Variants in RBM46 observed in about 807,000 individuals in gnomAD.
RBM46 encodes the protein RNA binding motif protein 46.
RBM46 carries 12 observed loss-of-function variants against 43.3 expected under a neutral mutation model. That is an observed-to-expected ratio of 0.28 (90% CI 0.18 to 0.45). The LOEUF (loss-of-function observed/expected upper bound fraction) is 0.45. RBM46 is among the 20% of genes least tolerant of loss of function. The pLI is 1.00. For synonymous variants in RBM46, 205 were observed against 207.6 expected, an observed-to-expected ratio of 0.99 and a Z score of 0.11; for missense variants, 412 against 639.1, an observed-to-expected ratio of 0.64 and a Z score of 3.83.
intron 4 of RBM46, among the ~76,000 whole-genome samples, chr4:154,800,165 C>G (rs895126485): frequency 1.3e-5 from 2 of 151,940 alleles, no homozygotes; most frequent in Admixed American, 1.3e-4. Context: ...TTTTTAATGA[C>G]TAATTCTCAG....
At chr4:154,820,430 T>C in intron 4 of RBM46, 1 of 1,471,330 alleles carries the variant, frequency 6.8e-7, no homozygotes, top group Non-Finnish European at 9.1e-7. Context: ...CAGGTAAGAG[T>C]TTATTAGGTA....
At chr4:154,786,325 G>A (rs1406190472) in intron 1 of RBM46, among the ~76,000 whole-genome samples, 1 of 152,064 alleles carries the variant, frequency 6.6e-6, no homozygotes, top group African/African-American at 2.4e-5. Flanking sequence ...CTGACCTCAG[G>A]CAATCCACCT....
rs545890847 is a variant in RBM46 at position 154,819,357 on chromosome 4, C to G, written c.1403-8511C>G. On this transcript the variant is annotated intron_variant, in intron 4 of 4. Coordinates refer to ENST00000281722, the MANE Select transcript of RBM46 (RefSeq NM_144979.5). ...TTAGTTCTAGTTTTTGTCTTCCTAG[C>G]TTCATTTGTCTCTTGGCACCTTCTG... Among the ~76,000 whole-genome samples the G allele has an allele frequency of 1.3e-4, 20 of 152,242 alleles. 1 individual carries two copies. In the South Asian group the frequency reaches 4.1e-3, roughly 32 times the overall value.
intron 4 of RBM46, among the ~76,000 whole-genome samples, chr4:154,818,258 T>G (rs1202617189): frequency 6.6e-6 from 1 of 152,138 alleles, no homozygotes; most frequent in Non-Finnish European, 1.5e-5. Flanking sequence ...CTGATTCATA[T>G]TTTCTTTTGT....
chr4:154,823,864 G>T (rs1429020582), intron 4 of RBM46, among the ~76,000 whole-genome samples: 1 of 151,874 alleles, frequency 6.6e-6, no homozygotes, highest in South Asian at 2.1e-4. Context: ...GTTGTCACTC[G>T]CTTTCCTGTT....
chr4:154,782,594 C>T (rs998948150), intron 1 of RBM46, among the ~76,000 whole-genome samples: 1 of 152,156 alleles, frequency 6.6e-6, no homozygotes, highest in Non-Finnish European at 1.5e-5. Context: ...AGCGATTCTC[C>T]TGCCTCAAAC....
At chr4:154,805,531 C>G (rs940180001) in intron 4 of RBM46, among the ~76,000 whole-genome samples, 4 of 151,662 alleles carry the variant, frequency 2.6e-5, no homozygotes, top group Non-Finnish European at 5.9e-5. Flanking sequence ...TTAGCTTATC[C>G]TTTTTTTCAA....
At chr4:154,811,011 GT>G (rs1465052624) in intron 4 of RBM46, among the ~76,000 whole-genome samples, 4 of 152,188 alleles carry the variant, frequency 2.6e-5, no homozygotes, top group African/African-American at 9.6e-5. Flanking sequence ...ACCTAAGGCT[GT>G]TTTGTGTAAA....
chr4:154,810,513 G>A (rs1034391712), intron 4 of RBM46, among the ~76,000 whole-genome samples: 2 of 151,994 alleles, frequency 1.3e-5, no homozygotes, highest in Admixed American at 6.6e-5. Context: ...TGAAGTGCTC[G>A]CACGTGGAAA....
intron 4 of RBM46, among the ~76,000 whole-genome samples, chr4:154,801,227 C>T (rs1195548702): frequency 6.6e-6 from 1 of 152,148 alleles, no homozygotes; most frequent in African/African-American, 2.4e-5. Flanking sequence ...GACCCGCCCT[C>T]CTCAGCCTCC....
In RBM46 at chr4:154,791,428, G is replaced by T. The variant is rs187015039; in HGVS notation, c.-11-5314G>T. Among the ~76,000 whole-genome samples the T allele has an allele frequency of 2.3e-3, 349 of 152,264 alleles. 4 individuals are homozygous for T. Among genetic ancestry groups the T allele is most frequent in the African/African-American group, 8.1e-3 (335 of 41,552 alleles). ...TTCCAGCACTTTGAGAGGCCAAGGC[G>T]GTGGATCACTTGAGCCCAAGAGTTC... On this transcript the variant is annotated intron_variant, in intron 1 of 4. Coordinates refer to ENST00000281722, the MANE Select transcript of RBM46 (RefSeq NM_144979.5).
At chr4:154,795,989 C>G (rs547350389) in intron 1 of RBM46, among the ~76,000 whole-genome samples, 1 of 152,084 alleles carries the variant, frequency 6.6e-6, no homozygotes, top group Non-Finnish European at 1.5e-5. Flanking sequence ...GAAACCCAGT[C>G]TCTACACACA....
intron 3 of RBM46, 80 bp downstream of exon 3, chr4:154,798,358 C>T (rs1271492071): frequency 1.9e-5 from 16 of 839,888 alleles, no homozygotes; most frequent in Non-Finnish European, 1.8e-5. Flanking sequence ...TCAATATTAT[C>T]AAAATACTAA....
intron 4 of RBM46, among the ~76,000 whole-genome samples, chr4:154,825,578 AG>A (rs1735919094): frequency 6.6e-6 from 1 of 152,232 alleles, no homozygotes; most frequent in African/African-American, 2.4e-5. Context: ...ACATGAATAA[AG>A]TCATCAACTT....
chr4:154,826,991 A>G, intron 4 of RBM46: 1 of 1,281,816 alleles, frequency 7.8e-7, no homozygotes, highest in Non-Finnish European at 9.8e-7. Context: ...TAATGATTTT[A>G]TAGTCATTGT....
chr4:154,827,050 A>G, intron 4 of RBM46: 2 of 1,196,932 alleles, frequency 1.7e-6, no homozygotes, highest in African/African-American at 1.6e-5. Flanking sequence ...AGTTTTTGGA[A>G]GGTACAGGAT....
At chr4:154,801,417 T>G (rs1229450673) in intron 4 of RBM46, among the ~76,000 whole-genome samples, 1 of 152,172 alleles carries the variant, frequency 6.6e-6, no homozygotes, top group African/African-American at 2.4e-5. Flanking sequence ...TTATTTCTAT[T>G]GATGCACAAA....
chr4:154,803,173 C>T (rs1315972936), intron 4 of RBM46, among the ~76,000 whole-genome samples: 1 of 151,974 alleles, frequency 6.6e-6, no homozygotes, highest in Non-Finnish European at 1.5e-5. Flanking sequence ...GTTTACAGGT[C>T]CTTAAAATCA....
intron 4 of RBM46, among the ~76,000 whole-genome samples, chr4:154,813,343 G>A (rs771470075): frequency 2.6e-5 from 4 of 151,956 alleles, no homozygotes; most frequent in Non-Finnish European, 5.9e-5. Context: ...TAATGTTGGA[G>A]GTTTCAAAAT....
Sources: gnomAD v4.1 joint callset for allele counts (sites outside exome capture counted in the v4.1 genomes callset) on GRCh38, gnomAD v4.1.1 for gene constraint, MANE v1.5 for transcripts, NCBI Gene and HGNC (gene_info 2026-07-23, HGNC 2026-07-21) for gene names.